CLDN14: variants seen among roughly 807,000 people sequenced by gnomAD.
The protein encoded by CLDN14 is claudin 14, also known as claudin-14.
A neutral mutation model predicts 2.1 loss-of-function variants in CLDN14; 2 were observed. That is an observed-to-expected ratio of 0.96 (90% CI 0.39 to 3.01). The LOEUF (loss-of-function observed/expected upper bound fraction) is 3.01. Among genes scored for constraint, CLDN14 ranks in the 30% most tolerant of loss-of-function variants. The pLI is 0.09. For synonymous variants in CLDN14, 136 were observed against 154.4 expected (o/e 0.88, Z 0.88); for missense variants, 298 against 328.0 (o/e 0.91, Z 0.71).
rs142205038 is a variant in CLDN14 at position 36,461,590 on chromosome 21, C to A, written c.106G>T (p.Val36Leu). 6.2e-7 allele frequency: 1 copy of A among 1,610,700 alleles called. No individual in the cohort carries two copies. Among genetic ancestry groups the A allele is most frequent in the East Asian group, 2.2e-5 (1 of 44,734 alleles). ...ILPHWRRTAH[V>L]GTNILTAVSY... ...ACGGCCGTGAGGATGTTGGTGCCCACGTGCGCTGTCCTCCGCCAGTGCGGC... is the reference window on the plus strand; with the variant it reads ...ACGGCCGTGAGGATGTTGGTGCCCAAGTGCGCTGTCCTCCGCCAGTGCGGC... Residue 36 changes from valine (V) to leucine (L), a missense_variant, in exon 2 of 2, where the codon GTG (valine) becomes TTG (leucine). Val to Leu is a conservative substitution (Grantham distance 32). Transcript: ENST00000399135.
chr21:36,554,254 C>T (rs555875775), intron 1 of CLDN14, among the ~76,000 whole-genome samples: 9 of 152,182 alleles, frequency 5.9e-5, no homozygotes, highest in Non-Finnish European at 1.0e-4. Context: ...GGCGGTGCCT[C>T]CTGCAGTAAT....
chr21:36,474,121 A>G (rs1027446838), intron 1 of CLDN14, among the ~76,000 whole-genome samples: 1 of 152,204 alleles, frequency 6.6e-6, no homozygotes, highest in Admixed American at 6.5e-5. Context: ...AAATGAGGCA[A>G]CAGTTTTAGG....
chr21:36,490,951 C>CAGACAG (rs1176478058), intron 2 of CLDN14, among the ~76,000 whole-genome samples: 3 of 12,084 alleles, frequency 2.5e-4, no homozygotes, highest in African/African-American at 3.6e-4. Flanking sequence ...AGTGCACAGA[C>CAGACAG]ACACACACAC....
At chr21:36,491,063 A>C (rs544455079) in intron 2 of CLDN14, among the ~76,000 whole-genome samples, 20 of 152,272 alleles carry the variant, frequency 1.3e-4, no homozygotes, top group African/African-American at 4.1e-4. Context: ...CAAAGGCCGA[A>C]GAAAGGCCTT....
At chr21:36,526,955 C>G (rs1261439905) in intron 1 of CLDN14, among the ~76,000 whole-genome samples, 1 of 152,220 alleles carries the variant, frequency 6.6e-6, no homozygotes, top group Non-Finnish European at 1.5e-5. Context: ...TGAGGACCAT[C>G]AAAGCACTGG....
At chr21:36,465,002 G>A (rs1299007568) in intron 1 of CLDN14, among the ~76,000 whole-genome samples, 2 of 152,322 alleles carry the variant, frequency 1.3e-5, no homozygotes, top group East Asian at 3.9e-4. Flanking sequence ...AGTGGTTTGG[G>A]CAGCCAGGGC....
At chr21:36,507,038 G>A (rs1167775727) in intron 2 of CLDN14, among the ~76,000 whole-genome samples, 1 of 151,962 alleles carries the variant, frequency 6.6e-6, no homozygotes, top group Non-Finnish European at 1.5e-5. Context: ...CAGAAGGGCT[G>A]CTTGAGCCCA....
intron 2 of CLDN14, among the ~76,000 whole-genome samples, chr21:36,510,147 C>T (rs1011912356): frequency 2.0e-5 from 3 of 152,182 alleles, no homozygotes; most frequent in African/African-American, 7.2e-5. Context: ...GCCAGTCAAG[C>T]GCTGAGCTGA....
chr21:36,473,240 C>A (rs2086732922), intron 1 of CLDN14, among the ~76,000 whole-genome samples: 1 of 152,182 alleles, frequency 6.6e-6, no homozygotes, highest in South Asian at 2.1e-4. Context: ...TGTGCCATCA[C>A]ACTTGGCTAA....
At chr21:36,554,450 C>T (rs2087584508) in intron 1 of CLDN14, among the ~76,000 whole-genome samples, 1 of 152,180 alleles carries the variant, frequency 6.6e-6, no homozygotes, top group African/African-American at 2.4e-5. Flanking sequence ...TGCGTAACAG[C>T]CATCACAGGA....
intron 1 of CLDN14, among the ~76,000 whole-genome samples, chr21:36,512,767 C>T (rs1017698319): frequency 6.6e-6 from 1 of 152,014 alleles, no homozygotes; most frequent in Non-Finnish European, 1.5e-5. Context: ...GAGGAAAGCA[C>T]GTGGAAAAAG....
At chr21:36,552,467 G>A (rs933608917) in intron 1 of CLDN14, among the ~76,000 whole-genome samples, 3 of 152,120 alleles carry the variant, frequency 2.0e-5, no homozygotes, top group African/African-American at 7.2e-5. Context: ...AAGTTAAGTT[G>A]ATCTGTTACA....
chr21:36,496,649 C>T (rs188047830), intron 2 of CLDN14, among the ~76,000 whole-genome samples: 1 of 136,734 alleles, frequency 7.3e-6, no homozygotes, highest in Admixed American at 7.7e-5. Flanking sequence ...GGATACCCGC[C>T]CAGCCAATGG....
chr21:36,521,159 G>A (rs937482453), intron 1 of CLDN14, among the ~76,000 whole-genome samples: 20 of 152,190 alleles, frequency 1.3e-4, no homozygotes, highest in African/African-American at 4.8e-4. Flanking sequence ...CAATATATCT[G>A]AAAGTAGAGG....
chr21:36,500,477 G>A (rs1238509578), intron 2 of CLDN14, among the ~76,000 whole-genome samples: 4 of 152,084 alleles, frequency 2.6e-5, no homozygotes, highest in African/African-American at 9.7e-5. Context: ...TGTTGCCCAG[G>A]CTGGAGTGCA....
chr21:36,475,521 T>G (rs1469043524), intron 1 of CLDN14, among the ~76,000 whole-genome samples: 1 of 152,188 alleles, frequency 6.6e-6, no homozygotes, highest in African/African-American at 2.4e-5. Context: ...ACCCGGTGAT[T>G]CTGATGTGCA....
intron 1 of CLDN14, among the ~76,000 whole-genome samples, chr21:36,513,372 A>G (rs1174711887): frequency 6.6e-6 from 1 of 152,226 alleles, no homozygotes; most frequent in African/African-American, 2.4e-5. Context: ...GACCAAGCCA[A>G]ACTCTGAGGA....
At chr21:36,526,009 C>T (rs141033604) in intron 1 of CLDN14, among the ~76,000 whole-genome samples, 9 of 152,208 alleles carry the variant, frequency 5.9e-5, no homozygotes, top group Non-Finnish European at 7.4e-5. Context: ...CCAGCCTCTG[C>T]GCTCTGACTT....
At chr21:36,511,611 C>T (rs2087187338) in intron 1 of CLDN14, among the ~76,000 whole-genome samples, 1 of 152,086 alleles carries the variant, frequency 6.6e-6, no homozygotes, top group Non-Finnish European at 1.5e-5. Context: ...GAGAGTCCTC[C>T]CTGCTGCAGG....
Sources: allele counts gnomAD v4.1 joint callset (sites outside exome capture counted in the v4.1 genomes callset), GRCh38; gene constraint gnomAD v4.1.1; transcripts MANE v1.5; gene names NCBI Gene and HGNC (gene_info 2026-07-23, HGNC 2026-07-21).